Variants in ELMO1 observed in about 807,000 individuals in gnomAD.
ELMO1 encodes the protein engulfment and cell motility 1, also known as engulfment and cell motility protein 1.
A neutral mutation model predicts 98.9 loss-of-function variants in ELMO1; 26 were observed. The observed-to-expected ratio is 0.26, with a 90% CI of 0.19 to 0.36. The LOEUF is 0.36. Ranked by LOEUF, ELMO1 falls within the 10% of genes least tolerant of loss-of-function variation. The pLI, the probability that ELMO1 is intolerant of heterozygous loss-of-function variation, is 1.00. For missense variants in ELMO1, 627 were observed against 935.2 expected (o/e 0.67, Z 4.30); for synonymous variants, 346 against 346.0 (o/e 1.00, Z 0.00).
chr7:37,348,976 G>GA (rs947577703), intron 1 of ELMO1, among the ~76,000 whole-genome samples: 3 of 152,236 alleles, frequency 2.0e-5, no homozygotes, highest in African/African-American at 7.2e-5. Context: ...ACCCTACTGA[G>GA]AAAAAAATTA....
intron 13 of ELMO1, among the ~76,000 whole-genome samples, chr7:37,203,016 C>CA (rs539001524): frequency 5.1e-4 from 77 of 152,118 alleles, no homozygotes; most frequent in African/African-American, 1.8e-3. Context: ...CAGAAACAAC[C>CA]CCTCCCCAAG....
intron 1 of ELMO1, among the ~76,000 whole-genome samples, chr7:37,352,260 G>A (rs1046427953): frequency 6.6e-6 from 1 of 152,104 alleles, no homozygotes; most frequent in South Asian, 2.1e-4. Flanking sequence ...GCTCATGTTC[G>A]TAACCACTAT....
intron 16 of ELMO1, chr7:36,984,992 A>AT (rs1488535544): frequency 3.0e-6 from 3 of 985,182 alleles, no homozygotes; most frequent in Non-Finnish European, 2.4e-6. Flanking sequence ...TGCCACATAC[A>AT]TTTTTAAGTT....
chr7:37,013,094 C>A (rs1273243756), intron 16 of ELMO1, among the ~76,000 whole-genome samples: 1 of 152,172 alleles, frequency 6.6e-6, no homozygotes, highest in Admixed American at 6.5e-5. Context: ...CCAAGCGTAC[C>A]CCCAGAGGGA....
At chr7:37,305,463 T>TGC (rs1156615467) in intron 4 of ELMO1, among the ~76,000 whole-genome samples, 1 of 152,006 alleles carries the variant, frequency 6.6e-6, no homozygotes, top group Non-Finnish European at 1.5e-5. Flanking sequence ...TGTGTGTGTG[T>TGC]GTGTGTATGT....
chr7:37,022,412 G>A (rs1424772074), intron 15 of ELMO1, among the ~76,000 whole-genome samples: 1 of 152,114 alleles, frequency 6.6e-6, no homozygotes, highest in Non-Finnish European at 1.5e-5. Context: ...GTAGAAGAAT[G>A]GGCAAAACGT....
chr7:37,057,214 C>A (rs1181145961), intron 15 of ELMO1, among the ~76,000 whole-genome samples: 2 of 151,876 alleles, frequency 1.3e-5, no homozygotes, highest in African/African-American at 4.8e-5. Flanking sequence ...GCGGGCTTTA[C>A]ACCCTGACTC....
chr7:37,252,626 C>A (rs1018920504), intron 6 of ELMO1, among the ~76,000 whole-genome samples: 1 of 152,146 alleles, frequency 6.6e-6, no homozygotes, highest in South Asian at 2.1e-4. Context: ...ACCATAAAAA[C>A]CCTAGAAGAA....
At position 37,054,393 on chromosome 7, in the gene ELMO1, C is replaced by T. The variant is rs1210830900; in HGVS notation, c.1301-40958G>A. Among the ~76,000 whole-genome samples, 3 of 152,154 alleles carry T rather than the reference C, an allele frequency of 2.0e-5. No homozygotes were observed. The South Asian group carries it at 6.2e-4, about 32-fold the overall frequency. ...CAGCCTACCAAGAAGATGCATAAGA[C>T]ATGGCCTGTATTTTCAAAGATCTTG... On this transcript the variant is annotated intron_variant, in intron 15 of 21. Transcript: ENST00000310758.
chr7:37,100,859 G>C (rs1274316665), intron 14 of ELMO1, among the ~76,000 whole-genome samples: 2 of 152,252 alleles, frequency 1.3e-5, no homozygotes, highest in African/African-American at 4.8e-5. Context: ...CTTGGACAAA[G>C]GTGCCGCCAA....
At chr7:37,018,622 GCA>G (rs1794090631) in intron 15 of ELMO1, among the ~76,000 whole-genome samples, 1 of 152,072 alleles carries the variant, frequency 6.6e-6, no homozygotes, top group East Asian at 1.9e-4. Flanking sequence ...GACTACAGGT[GCA>G]CGACACCACG....
chr7:36,889,968 C>A (rs759318646), intron 17 of ELMO1, among the ~76,000 whole-genome samples: 1 of 152,084 alleles, frequency 6.6e-6, no homozygotes, highest in Non-Finnish European at 1.5e-5. Flanking sequence ...TCTTTCCTGG[C>A]GAATGGACTC....
At chr7:37,096,837 A>G in intron 14 of ELMO1, 110 bp from the exon 15 acceptor site, 1 of 1,001,876 alleles carries the variant, frequency 1.0e-6, no homozygotes, top group Non-Finnish European at 1.5e-6. Context: ...AGATCCCCAA[A>G]CGAAGACTCT....
chr7:36,875,363 C>T (rs1389901560), intron 19 of ELMO1, among the ~76,000 whole-genome samples: 1 of 152,128 alleles, frequency 6.6e-6, no homozygotes, highest in Non-Finnish European at 1.5e-5. Context: ...TACAGTCTTA[C>T]TAGTACACAC....
chr7:36,991,684 G>C (rs10232636), intron 16 of ELMO1, among the ~76,000 whole-genome samples: 1 of 152,112 alleles, frequency 6.6e-6, no homozygotes, highest in African/African-American at 2.4e-5. Context: ...AGATGATCCT[G>C]AGCAGAATGT....
At chr7:36,973,763 AC>A (rs1271022339) in intron 16 of ELMO1, among the ~76,000 whole-genome samples, 1 of 152,012 alleles carries the variant, frequency 6.6e-6, no homozygotes, top group Admixed American at 6.5e-5. Context: ...GCGAGCGGGA[AC>A]CGGGGCTGCG....
At position 37,263,846 on chromosome 7, in the gene ELMO1, T is replaced by A. The variant is rs548706835; in HGVS notation, c.244-4496A>T. Among the ~76,000 whole-genome samples the A allele has an allele frequency of 2.0e-5, 3 of 152,276 alleles. No individual in the cohort carries two copies. The East Asian group carries it at 5.8e-4, about 29-fold the overall frequency. On this transcript the variant is annotated intron_variant, in intron 5 of 21. Transcript: ENST00000310758. The stretch of plus-strand genomic sequence containing the variant: ...TAGACAAGGTAGCCTAGGGTGTTCA[T>A]GAGCATGCAGAGCTGAAGGAGTCCC...
rs151036508 is a variant in ELMO1, at chr7:37,122,951, C to T, written c.1191+10179G>A. 1.7e-4 allele frequency among the ~76,000 whole-genome samples: 26 copies of T among 152,298 alleles called. 1 individual carries two copies. The highest frequency in any genetic ancestry group is 6.3e-4 in the African/African-American group (26 of 41,552). ...ACAAACTGTCTCTCAGACCACAGTG[C>T]AACCAAACTGGAACTCAGGATTAAG... is the stretch of plus-strand genomic sequence containing the variant. On this transcript the variant is annotated intron_variant, in intron 14 of 21. Transcript: ENST00000310758.
chr7:37,406,712 G>A (rs947726305), intron 1 of ELMO1, among the ~76,000 whole-genome samples: 4 of 152,102 alleles, frequency 2.6e-5, no homozygotes, highest in African/African-American at 9.7e-5. Flanking sequence ...AAAGTGCTGG[G>A]ATTACAGGCG....
Sources: gnomAD v4.1 joint callset for allele counts (sites outside exome capture counted in the v4.1 genomes callset) on GRCh38, gnomAD v4.1.1 for gene constraint, MANE v1.5 for transcripts, NCBI Gene and HGNC (gene_info 2026-07-23, HGNC 2026-07-21) for gene names.